CDK14: variants seen among roughly 807,000 people sequenced by gnomAD.
The protein encoded by CDK14 is cyclin-dependent kinase 14.
In CDK14, 34 loss-of-function variants were observed where a neutral mutation model predicts 60.7. The ratio of observed to expected loss-of-function variants is 0.56; its 90% confidence interval spans 0.43 to 0.75. The LOEUF is 0.75. Among genes scored for constraint, CDK14 ranks in the 30% least tolerant of loss-of-function variants. The probability of loss-of-function intolerance (pLI) is 0.00; values close to 1 mark genes in which losing one functional copy is unlikely to be tolerated. For synonymous variants in CDK14, 197 were observed against 203.7 expected, an observed-to-expected ratio of 0.97 and a Z score of 0.28; for missense variants, 482 against 564.1, an observed-to-expected ratio of 0.85 and a Z score of 1.47.
intron 7 of CDK14, among the ~76,000 whole-genome samples, chr7:90,901,786 A>T (rs1584105015): frequency 6.6e-6 from 1 of 151,982 alleles, no homozygotes; most frequent in Non-Finnish European, 1.5e-5. Context: ...AGAGAAAAAA[A>T]TGGAAAAAAT....
chr7:90,981,438 G>GT (rs1325733917), intron 9 of CDK14, among the ~76,000 whole-genome samples: 1 of 152,150 alleles, frequency 6.6e-6, no homozygotes, highest in Admixed American at 6.5e-5. Flanking sequence ...GCATTTGTTT[G>GT]TTTTTAGTCA....
chr7:91,166,635 G>T (rs1046520297), intron 14 of CDK14, among the ~76,000 whole-genome samples: 2 of 152,132 alleles, frequency 1.3e-5, no homozygotes, highest in Non-Finnish European at 2.9e-5. Context: ...GAGTGTAGAG[G>T]CATCCGAGTA....
At chr7:90,640,978 A>G (rs756784374) in intron 2 of CDK14, among the ~76,000 whole-genome samples, 1 of 152,136 alleles carries the variant, frequency 6.6e-6, no homozygotes, top group Admixed American at 6.6e-5. Flanking sequence ...CACATGGCCA[A>G]TAAACATATG....
At chr7:90,746,986 A>G (rs1039024962) in intron 3 of CDK14, among the ~76,000 whole-genome samples, 13 of 152,224 alleles carry the variant, frequency 8.5e-5, no homozygotes, top group African/African-American at 3.1e-4. Flanking sequence ...ACAATGGGAT[A>G]CAGTAAATAT....
At chr7:90,668,537 C>A (rs1208982584) in intron 2 of CDK14, among the ~76,000 whole-genome samples, 2 of 151,700 alleles carry the variant, frequency 1.3e-5, no homozygotes, top group Non-Finnish European at 2.9e-5. Context: ...TCTATTTTTT[C>A]TTTTGTTTGT....
intron 13 of CDK14, among the ~76,000 whole-genome samples, chr7:91,117,656 A>G (rs906818931): frequency 1.3e-5 from 2 of 152,140 alleles, no homozygotes; most frequent in Admixed American, 6.6e-5. Context: ...TCTCCCCCAA[A>G]TGGACTCTAT....
intron 5 of CDK14, among the ~76,000 whole-genome samples, chr7:90,823,414 A>T (rs1216193119): frequency 6.6e-6 from 1 of 152,226 alleles, no homozygotes; most frequent in Non-Finnish European, 1.5e-5. Flanking sequence ...AGAAAGATTG[A>T]GGTAGAGTTA....
At chr7:90,817,323 T>A (rs1342522397) in intron 5 of CDK14, among the ~76,000 whole-genome samples, 1 of 152,142 alleles carries the variant, frequency 6.6e-6, no homozygotes, top group African/African-American at 2.4e-5. Context: ...AAGAATCGAA[T>A]TGATAATCGT....
At position 90,849,341 on chromosome 7, in the gene CDK14, A is replaced by G. The variant is rs142053563; in HGVS notation, c.545-13834A>G. 4.0e-3 allele frequency among the ~76,000 whole-genome samples: 607 copies of G among 152,166 alleles called. 3 individuals are homozygous for G. Among genetic ancestry groups the G allele is most frequent in the Non-Finnish European group, 6.2e-3 (420 of 68,026 alleles). Reference sequence around the variant, plus strand: ...AAGAAGCCGAGCAGATGTGAGTGCCATGCTTATATAGCCTGTAGAATTGTG... The same window carrying G: ...AAGAAGCCGAGCAGATGTGAGTGCCGTGCTTATATAGCCTGTAGAATTGTG... On this transcript the variant is annotated intron_variant, in intron 5 of 14. Coordinates refer to ENST00000380050, the MANE Select transcript of CDK14 (RefSeq NM_001287135.2).
chr7:90,635,762 A>G (rs1274902446), intron 2 of CDK14, among the ~76,000 whole-genome samples: 2 of 152,132 alleles, frequency 1.3e-5, no homozygotes, highest in African/African-American at 4.8e-5. Context: ...CTTCCTATCC[A>G]TGAGCATGGA....
chr7:90,817,985 C>T (rs921301236), intron 5 of CDK14, among the ~76,000 whole-genome samples: 4 of 152,128 alleles, frequency 2.6e-5, no homozygotes, highest in Non-Finnish European at 5.9e-5. Flanking sequence ...CAGATTCACA[C>T]CTAAGCCCAT....
At chr7:90,904,292 A>G (rs1792621374) in intron 7 of CDK14, among the ~76,000 whole-genome samples, 1 of 152,190 alleles carries the variant, frequency 6.6e-6, no homozygotes, top group South Asian at 2.1e-4. Context: ...TGAAGACCCC[A>G]GTTAACAAAT....
At chr7:91,195,047 C>T (rs960091710) in intron 14 of CDK14, among the ~76,000 whole-genome samples, 2 of 152,214 alleles carry the variant, frequency 1.3e-5, no homozygotes, top group Non-Finnish European at 2.9e-5. Flanking sequence ...GTTCTTTGCT[C>T]TGCCACTAAA....
At chr7:90,808,670 G>A (rs1788961360) in intron 5 of CDK14, among the ~76,000 whole-genome samples, 1 of 152,130 alleles carries the variant, frequency 6.6e-6, no homozygotes, top group African/African-American at 2.4e-5. Flanking sequence ...ACACAGACTG[G>A]CAAATTGGAT....
chr7:91,052,321 T>C (rs1457225104), intron 11 of CDK14, among the ~76,000 whole-genome samples: 1 of 152,232 alleles, frequency 6.6e-6, no homozygotes, highest in Non-Finnish European at 1.5e-5. Context: ...TTCCTGAGTG[T>C]GTTTGTGTTT....
intron 2 of CDK14, among the ~76,000 whole-genome samples, chr7:90,676,527 ATTT>A (rs60056655): frequency 0.043 from 6,037 of 141,192 alleles, 118 homozygotes; most frequent in South Asian, 0.077. Flanking sequence ...TAGATGTTTC[ATTT>A]TTTTTTTTTT....
rs1248410077 is a variant in CDK14, at chr7:91,057,990, C to A, written c.1105+12030C>A. ...GGATGGCATTGAATCTATAAATTACCTTGGGCAGTATGGCCATTTTCACGA... is the reference window on the plus strand; with the variant it reads ...GGATGGCATTGAATCTATAAATTACATTGGGCAGTATGGCCATTTTCACGA... On this transcript the variant is annotated intron_variant, in intron 11 of 14. Transcript: ENST00000380050. Among the ~76,000 whole-genome samples the A allele has an allele frequency of 2.0e-5, 3 of 151,990 alleles. No homozygotes were observed. The East Asian group carries it at 5.8e-4, about 29-fold the overall frequency.
At chr7:90,818,544 C>T (rs1326494296) in intron 5 of CDK14, among the ~76,000 whole-genome samples, 1 of 152,170 alleles carries the variant, frequency 6.6e-6, no homozygotes, top group Non-Finnish European at 1.5e-5. Context: ...CAGAAGATTT[C>T]TGCCTCACTA....
At chr7:90,878,897 A>G (rs1253370877) in intron 6 of CDK14, among the ~76,000 whole-genome samples, 1 of 152,244 alleles carries the variant, frequency 6.6e-6, no homozygotes. Context: ...TTATACATAT[A>G]TGTATGTATT....
Sources: gnomAD v4.1 joint callset for allele counts (sites outside exome capture counted in the v4.1 genomes callset) on GRCh38, gnomAD v4.1.1 for gene constraint, MANE v1.5 for transcripts, NCBI Gene and HGNC (gene_info 2026-07-23, HGNC 2026-07-21) for gene names.